RBFOX1: variants seen among roughly 807,000 people sequenced by gnomAD.
The protein encoded by RBFOX1 is RNA binding fox-1 homolog 1.
In RBFOX1, 8 loss-of-function variants were observed where a neutral mutation model predicts 57.7. The ratio of observed to expected loss-of-function variants is 0.14; its 90% CI spans 0.08 to 0.25. The LOEUF (loss-of-function observed/expected upper bound fraction) is 0.25. RBFOX1 is among the 10% of genes least tolerant of loss of function. The pLI is 1.00. For synonymous variants in RBFOX1, 326 were observed against 222.4 expected (o/e 1.47, Z -4.15); for missense variants, 611 against 548.5 (o/e 1.11, Z -1.14).
At chr16:7,033,730 A>G (rs1225277329) in intron 3 of RBFOX1, among the ~76,000 whole-genome samples, 2 of 152,188 alleles carry the variant, frequency 1.3e-5, no homozygotes, top group African/African-American at 2.4e-5. Context: ...GTGGCGACTT[A>G]TGCCTGTAAT....
intron 3 of RBFOX1, among the ~76,000 whole-genome samples, chr16:6,969,004 C>T (rs889512936): frequency 4.6e-5 from 7 of 152,034 alleles, no homozygotes; most frequent in Non-Finnish European, 1.0e-4. Context: ...TGAGCAAAGT[C>T]AGAATGTTAG....
Position 7,518,397 on chromosome 16 carries a change from G to A in RBFOX1, c.270+8G>A, listed in dbSNP as rs745489912. 3.7e-6 allele frequency: 6 copies of A among 1,603,954 alleles called. No individual in the cohort carries two copies. Among genetic ancestry groups the A allele is most frequent in the Non-Finnish European group, 5.1e-6 (6 of 1,173,076 alleles). On this transcript the variant is annotated splice_region_variant and intron_variant, in intron 5 of 15. Transcript: ENST00000550418. ...GTCTCTGGCACCGCCACAGTAAGTG[G>A]ACGTGTTTGCTACGGGTGGGAGGTT...
intron 3 of RBFOX1, among the ~76,000 whole-genome samples, chr16:6,980,612 C>G (rs550616220): frequency 1.6e-4 from 24 of 152,192 alleles, no homozygotes; most frequent in African/African-American, 5.3e-4. Flanking sequence ...CAGGTTTTAG[C>G]TGAAAAACTC....
At chr16:6,778,786 C>T (rs919048705) in intron 3 of RBFOX1, among the ~76,000 whole-genome samples, 3 of 151,806 alleles carry the variant, frequency 2.0e-5, no homozygotes, top group Admixed American at 1.3e-4. Context: ...CACAATAAAT[C>T]CACCTTATAA....
intron 3 of RBFOX1, among the ~76,000 whole-genome samples, chr16:6,692,847 TCAC>T: frequency 6.6e-6 from 1 of 151,966 alleles, no homozygotes; most frequent in South Asian, 2.1e-4. Context: ...TCCACTACCA[TCAC>T]CACCATCATC....
chr16:6,743,867 A>G (rs1461994074), intron 3 of RBFOX1, among the ~76,000 whole-genome samples: 2 of 130,530 alleles, frequency 1.5e-5, no homozygotes, highest in South Asian at 4.8e-4. Flanking sequence ...TATTTGTAAC[A>G]CATTTTCCTA....
intron 1 of RBFOX1, among the ~76,000 whole-genome samples, chr16:6,052,804 T>TATAATAATAATAAGAATA: frequency 6.9e-6 from 1 of 144,238 alleles, no homozygotes; most frequent in East Asian, 2.0e-4. Context: ...TAAAATAAAA[T>TATAATAATAATAAGAATA]ATAATAATAA....
chr16:5,871,300 C>T (rs1322447627), intron 4 of RBFOX1, among the ~76,000 whole-genome samples: 6 of 152,190 alleles, frequency 3.9e-5, no homozygotes, highest in Non-Finnish European at 7.3e-5. Flanking sequence ...CCTTTGTCCC[C>T]AAGCAGCCTT....
chr16:5,686,016 T>C (rs1226151401), intron 3 of RBFOX1, among the ~76,000 whole-genome samples: 1 of 152,202 alleles, frequency 6.6e-6, no homozygotes, highest in Non-Finnish European at 1.5e-5. Context: ...TCAGAAGGAA[T>C]ACAAGTAGGT....
chr16:6,764,505 T>C (rs1411876054), intron 3 of RBFOX1, among the ~76,000 whole-genome samples: 1 of 152,200 alleles, frequency 6.6e-6, no homozygotes, highest in Non-Finnish European at 1.5e-5. Context: ...CACGGATGCT[T>C]ATTGAATGTC....
intron 3 of RBFOX1, among the ~76,000 whole-genome samples, chr16:6,879,612 C>A (rs754060128): frequency 1.7e-4 from 26 of 152,174 alleles, no homozygotes; most frequent in Non-Finnish European, 2.8e-4. Flanking sequence ...CACTAAACAT[C>A]AATATGTCAT....
intron 3 of RBFOX1, among the ~76,000 whole-genome samples, chr16:5,714,957 A>G (rs138994066): frequency 4.2e-4 from 64 of 152,332 alleles, no homozygotes; most frequent in African/African-American, 1.4e-3. Flanking sequence ...ATGAGTAACT[A>G]TACTTCCAGT....
intron 3 of RBFOX1, among the ~76,000 whole-genome samples, chr16:5,709,664 T>C (rs1041779697): frequency 2.0e-5 from 3 of 150,244 alleles, no homozygotes; most frequent in Non-Finnish European, 3.0e-5. Context: ...TAGGATAATA[T>C]TGTCTTTTTC....
intron 2 of RBFOX1, among the ~76,000 whole-genome samples, chr16:5,530,654 G>A (rs2044430342): frequency 6.6e-6 from 1 of 152,140 alleles, no homozygotes. Context: ...CTCTACCCAT[G>A]AGAGACCAGC....
rs537088687 is a variant in RBFOX1, at chr16:6,475,520, C to T, written c.-64+158463C>T. Among the ~76,000 whole-genome samples, 11 of 152,266 alleles carry T rather than the reference C, an allele frequency of 7.2e-5. No individual in the cohort carries two copies. The South Asian group carries it at 2.1e-3, about 29-fold the overall frequency. On this transcript the variant is annotated intron_variant, in intron 2 of 15. Coordinates refer to ENST00000550418, the MANE Select transcript of RBFOX1 (RefSeq NM_018723.4). ...ATTCATGCATTTGTCTATTAGAAAA[C>T]GTGGTCACTTACCAGCAACCAATAT... is the stretch of plus-strand genomic sequence containing the variant.
At chr16:5,372,458 A>G (rs1596711466) in intron 1 of RBFOX1, among the ~76,000 whole-genome samples, 1 of 149,652 alleles carries the variant, frequency 6.7e-6, no homozygotes, top group Non-Finnish European at 1.5e-5. Context: ...TGAAAAATAA[A>G]TAAGTAAATA....
intron 4 of RBFOX1, among the ~76,000 whole-genome samples, chr16:7,213,692 A>G (rs2091553489): frequency 6.6e-6 from 1 of 152,182 alleles, no homozygotes; most frequent in Non-Finnish European, 1.5e-5. Flanking sequence ...ATATTGTCCC[A>G]TTTTATACTC....
At chr16:6,143,443 A>C (rs2096733930) in intron 1 of RBFOX1, among the ~76,000 whole-genome samples, 1 of 152,170 alleles carries the variant, frequency 6.6e-6, no homozygotes, top group Non-Finnish European at 1.5e-5. Flanking sequence ...TCCTTTCAGG[A>C]GGTGATCCCA....
chr16:6,431,179 G>A (rs1378807148), intron 2 of RBFOX1, among the ~76,000 whole-genome samples: 1 of 151,866 alleles, frequency 6.6e-6, no homozygotes, highest in Non-Finnish European at 1.5e-5. Context: ...TGGTCTAGGT[G>A]GGGAAAGGCA....
Sources: gnomAD v4.1 joint callset for allele counts (sites outside exome capture counted in the v4.1 genomes callset) on GRCh38, gnomAD v4.1.1 for gene constraint, MANE v1.5 for transcripts, NCBI Gene and HGNC (gene_info 2026-07-23, HGNC 2026-07-21) for gene names.